The following PTPRD variants were observed in gnomAD, a reference collection of about 807,000 sequenced individuals.
PTPRD encodes the protein protein tyrosine phosphatase receptor type D.
Under a neutral mutation model 214.5 loss-of-function variants are expected in PTPRD, and 34 were observed. The ratio of observed to expected loss-of-function variants is 0.16; its 90% confidence interval spans 0.12 to 0.21. PTPRD has a LOEUF of 0.21. Ranked by LOEUF, PTPRD falls within the 10% of genes least tolerant of loss-of-function variation. PTPRD has a pLI of 1.00. For synonymous variants in PTPRD, 1,128 were observed against 845.7 expected (o/e 1.33, Z -5.79); for missense variants, 2,545 against 2,398.7 (o/e 1.06, Z -1.27).
chr9:8,472,163 T>A (rs2096665365), intron 30 of PTPRD, among the ~76,000 whole-genome samples: 1 of 152,168 alleles, frequency 6.6e-6, no homozygotes, highest in South Asian at 2.1e-4. Context: ...GCTACATTTA[T>A]CTTAATGGTG....
At chr9:8,569,676 A>G (rs926052479) in intron 14 of PTPRD, among the ~76,000 whole-genome samples, 1 of 152,122 alleles carries the variant, frequency 6.6e-6, no homozygotes, top group African/African-American at 2.4e-5. Flanking sequence ...GTCATATAAC[A>G]TCCTTAAGAA....
intron 3 of PTPRD, among the ~76,000 whole-genome samples, chr9:10,109,121 C>T (rs1307230130): frequency 6.6e-6 from 1 of 152,138 alleles, no homozygotes; most frequent in Non-Finnish European, 1.5e-5. Context: ...TTTAAGTAGT[C>T]AGCAAAGTTG....
chr9:8,963,726 C>T (rs1206817463), intron 11 of PTPRD, among the ~76,000 whole-genome samples: 3 of 151,986 alleles, frequency 2.0e-5, no homozygotes, highest in Non-Finnish European at 4.4e-5. Context: ...CTCAAGTCAT[C>T]CTCCCACCTC....
In PTPRD at chr9:8,518,230, C is replaced by T. The variant is rs779673772; in HGVS notation, c.1161G>A (p.Ser387=). Residue 387 remains serine (S), a synonymous_variant, in exon 21 of 46, where the codon TCG becomes TCA. Coordinates refer to ENST00000381196, the MANE Select transcript of PTPRD (RefSeq NM_002839.4). ...CAGCAACAACCCTGAATTCATAATCCGAGTAGGGACTTAGTCCAGCGACAC... is the reference window on the plus strand; with the variant it reads ...CAGCAACAACCCTGAATTCATAATCTGAGTAGGGACTTAGTCCAGCGACAC... ...RYSVAGLSPY[S]DYEFRVVAVN... is the part of the protein sequence containing the mutation. The T allele has an allele frequency of 6.8e-6, 11 of 1,613,988 alleles. No homozygotes were observed. The highest frequency in any genetic ancestry group is 4.5e-5 in the East Asian group (2 of 44,878).
intron 9 of PTPRD, among the ~76,000 whole-genome samples, chr9:9,237,877 T>C (rs1230081665): frequency 1.3e-5 from 2 of 152,166 alleles, no homozygotes; most frequent in South Asian, 2.1e-4. Flanking sequence ...ATTGACCTTT[T>C]TGAGAAACTT....
intron 11 of PTPRD, among the ~76,000 whole-genome samples, chr9:8,831,293 G>C (rs917783687): frequency 6.6e-6 from 1 of 152,066 alleles, no homozygotes; most frequent in Non-Finnish European, 1.5e-5. Flanking sequence ...TTGAATCCTA[G>C]GAGAATGTCA....
intron 8 of PTPRD, among the ~76,000 whole-genome samples, chr9:9,511,380 G>A (rs1207732766): frequency 6.6e-6 from 1 of 151,688 alleles, no homozygotes; most frequent in Non-Finnish European, 1.5e-5. Flanking sequence ...GCACATAGCT[G>A]ATGCTAGGTG....
At position 9,072,149 on chromosome 9, in the gene PTPRD, A is replaced by G. The variant is rs565626712; in HGVS notation, c.-142-53414T>C. 2.0e-5 allele frequency among the ~76,000 whole-genome samples: 3 copies of G among 152,312 alleles called. No individual in the cohort carries two copies. The East Asian group carries it at 5.8e-4, about 29-fold the overall frequency. ...CCAAACTTTAAATTAACTGCATAAC[A>G]ACATTTTAAAAACACCAGCTACTAT... On this transcript the variant is annotated intron_variant, in intron 10 of 45. Transcript: ENST00000381196.
At chr9:10,359,148 T>C (rs1024664957) in intron 2 of PTPRD, among the ~76,000 whole-genome samples, 1 of 152,016 alleles carries the variant, frequency 6.6e-6, no homozygotes, top group Admixed American at 6.5e-5. Flanking sequence ...TATCATGAGA[T>C]CTATTGTTAA....
chr9:8,582,032 T>C (rs1594478868), intron 14 of PTPRD, among the ~76,000 whole-genome samples: 1 of 148,734 alleles, frequency 6.7e-6, no homozygotes, highest in African/African-American at 2.5e-5. Context: ...ATTTCAAAAA[T>C]GAGAGGGCAC....
chr9:9,023,564 C>T (rs1017242744), intron 10 of PTPRD, among the ~76,000 whole-genome samples: 20 of 151,922 alleles, frequency 1.3e-4, no homozygotes, highest in Admixed American at 1.3e-3. Flanking sequence ...ATTTTAGATA[C>T]AAGGGGTCCA....
At chr9:9,655,720 G>A (rs997672309) in intron 7 of PTPRD, among the ~76,000 whole-genome samples, 19 of 151,952 alleles carry the variant, frequency 1.3e-4, no homozygotes, top group African/African-American at 4.6e-4. Context: ...GCTCACAACT[G>A]TAATCCCCGC....
At chr9:8,452,010 G>A in intron 33 of PTPRD, 1 of 312,518 alleles carries the variant, frequency 3.2e-6, no homozygotes, top group Non-Finnish European at 6.3e-6. Flanking sequence ...CATTTCTCTG[G>A]TGCAAGGAAA....
At chr9:8,810,443 G>T (rs1439173114) in intron 11 of PTPRD, among the ~76,000 whole-genome samples, 2 of 152,106 alleles carry the variant, frequency 1.3e-5, no homozygotes, top group African/African-American at 4.8e-5. Flanking sequence ...TAGCGTCTGA[G>T]TGGATATTTT....
intron 11 of PTPRD, among the ~76,000 whole-genome samples, chr9:8,891,321 A>G (rs1298494728): frequency 6.6e-6 from 1 of 151,592 alleles, no homozygotes; most frequent in Non-Finnish European, 1.5e-5. Context: ...TTTAGTAGAG[A>G]CGGAGTTTCA....
chr9:8,564,507 C>T (rs2088023770), intron 14 of PTPRD, among the ~76,000 whole-genome samples: 1 of 152,052 alleles, frequency 6.6e-6, no homozygotes, highest in Non-Finnish European at 1.5e-5. Flanking sequence ...TTGAGACCAG[C>T]CAGGCCAACA....
chr9:9,236,337 T>C (rs74765525), intron 9 of PTPRD, among the ~76,000 whole-genome samples: 1,848 of 152,188 alleles, frequency 0.012, 44 homozygotes, highest in African/African-American at 0.041. Context: ...CTGATACCTA[T>C]GGGAAAATCA....
intron 11 of PTPRD, among the ~76,000 whole-genome samples, chr9:8,794,630 C>G (rs1210597539): frequency 6.6e-6 from 1 of 151,126 alleles, no homozygotes; most frequent in African/African-American, 2.4e-5. Context: ...AGGCATGTGT[C>G]ATGGCCCCCA....
chr9:8,471,896 G>A (rs2096660613), intron 30 of PTPRD, among the ~76,000 whole-genome samples: 1 of 152,062 alleles, frequency 6.6e-6, no homozygotes, highest in Admixed American at 6.6e-5. Flanking sequence ...CCTGTTTAGG[G>A]ATTCTGCTCA....
Sources: allele counts gnomAD v4.1 joint callset (sites outside exome capture counted in the v4.1 genomes callset), GRCh38; gene constraint gnomAD v4.1.1; transcripts MANE v1.5; gene names NCBI Gene and HGNC (gene_info 2026-07-23, HGNC 2026-07-21).